Variants in ZMYM2 observed in about 807,000 individuals in gnomAD.
ZMYM2 encodes the protein zinc finger MYM-type containing 2.
A neutral mutation model predicts 162.8 loss-of-function variants in ZMYM2; 56 were observed. The ratio of observed to expected loss-of-function variants is 0.34; its 90% CI spans 0.28 to 0.43. The LOEUF (loss-of-function observed/expected upper bound fraction) is 0.43. Among genes scored for constraint, ZMYM2 ranks in the 20% least tolerant of loss-of-function variants. The probability of loss-of-function intolerance (pLI) is 1.00; values close to 1 mark genes in which losing one functional copy is unlikely to be tolerated. For missense variants in ZMYM2, 1,275 were observed against 1,621.8 expected, an observed-to-expected ratio of 0.79 and a Z score of 3.67; for synonymous variants, 510 against 541.6, an observed-to-expected ratio of 0.94 and a Z score of 0.81.
At position 20,086,116 on chromosome 13, in the gene ZMYM2, AG is replaced by A; in HGVS notation, c.*103del. The A allele has an allele frequency of 7.9e-7, 1 of 1,264,246 alleles. No individual in the cohort carries two copies. Among genetic ancestry groups the A allele is most frequent in the Non-Finnish European group, 1.1e-6 (1 of 926,758 alleles). The allele number at this position is 1,264,246 out of a possible 1,614,324, so 78.3% of individuals were successfully genotyped here. The stretch of plus-strand genomic sequence containing the variant: ...TTTCAAGTTTACTCCTTCTGTTTTG[AG>A]TTTTGTAGCAGTGTACCCACGCTGG... On this transcript the variant is annotated 3_prime_UTR_variant, in exon 25 of 25. Coordinates refer to ENST00000610343, the MANE Select transcript of ZMYM2 (RefSeq NM_197968.4).
intron 21 of ZMYM2, among the ~76,000 whole-genome samples, chr13:20,074,574 T>C (rs536294318): frequency 2.9e-4 from 42 of 147,368 alleles, no homozygotes; most frequent in African/African-American, 9.4e-4. Context: ...AGTCTTACTC[T>C]GTCGCCCAGG....
chr13:20,005,777 A>G (rs756740707), intron 5 of ZMYM2, among the ~76,000 whole-genome samples: 2 of 152,080 alleles, frequency 1.3e-5, no homozygotes, highest in Non-Finnish European at 2.9e-5. Context: ...TGGTCTAAAG[A>G]TTTTTACTCT....
chr13:20,060,635 G>A (rs915643935), intron 16 of ZMYM2, among the ~76,000 whole-genome samples: 45 of 151,456 alleles, frequency 3.0e-4, no homozygotes, highest in African/African-American at 1.0e-3. Flanking sequence ...CTGAGATAGC[G>A]CCATTGCACT....
At chr13:19,950,870 A>C in the ZMYM2 span, among the ~76,000 whole-genome samples, 1 of 152,206 alleles carries the variant, frequency 6.6e-6, no homozygotes, top group East Asian at 1.9e-4. Context: ...TTTCCCTTTA[A>C]AATTTGCTTC....
At chr13:19,887,666 C>A in the ZMYM2 span, among the ~76,000 whole-genome samples, 2 of 151,782 alleles carry the variant, frequency 1.3e-5, no homozygotes, top group African/African-American at 4.9e-5. Flanking sequence ...AAGATAAATA[C>A]ACACATTTTT....
intron 7 of ZMYM2, chr13:20,019,853 G>A (rs911631081): frequency 1.8e-5 from 8 of 442,698 alleles, no homozygotes; most frequent in Admixed American, 3.6e-5. Flanking sequence ...ATGTTCTTAG[G>A]AAATTATTTT....
chr13:20,001,513 A>T (rs1305042768), intron 3 of ZMYM2, among the ~76,000 whole-genome samples: 1 of 152,086 alleles, frequency 6.6e-6, no homozygotes, highest in Non-Finnish European at 1.5e-5. Context: ...TGGTTTCTTG[A>T]GATGAATCTA....
At chr13:19,941,029 G>C in the ZMYM2 span, among the ~76,000 whole-genome samples, 1 of 152,150 alleles carries the variant, frequency 6.6e-6, no homozygotes, top group African/African-American at 2.4e-5. Flanking sequence ...CAAAAACTTG[G>C]CAGGGTGTGG....
intron 2 of ZMYM2, among the ~76,000 whole-genome samples, chr13:19,971,228 A>ATGTGTGTGTGTG (rs10629393): frequency 1.7e-5 from 1 of 58,940 alleles, no homozygotes; most frequent in Non-Finnish European, 3.1e-5. Flanking sequence ...GTTTATATAT[A>ATGTGTGTGTGTG]TGTGTGTGTG....
chr13:19,975,562 C>T (rs1057164952), intron 2 of ZMYM2, among the ~76,000 whole-genome samples: 3 of 152,260 alleles, frequency 2.0e-5, no homozygotes, highest in South Asian at 4.1e-4. Context: ...TTTATTTAGC[C>T]GTTCACTCTG....
intron 21 of ZMYM2, among the ~76,000 whole-genome samples, chr13:20,067,627 C>T (rs527589152): frequency 3.3e-5 from 5 of 152,148 alleles, no homozygotes; most frequent in Non-Finnish European, 7.4e-5. Context: ...GGCTATAGAT[C>T]CATGCTGATC....
At chr13:19,905,010 T>TC in the ZMYM2 span, among the ~76,000 whole-genome samples, 1 of 149,826 alleles carries the variant, frequency 6.7e-6, no homozygotes, top group African/African-American at 2.5e-5. Flanking sequence ...CTTTCAATTT[T>TC]TTTTTTTTTT....
chr13:19,928,736 G>C, the ZMYM2 span, among the ~76,000 whole-genome samples: 1 of 151,832 alleles, frequency 6.6e-6, no homozygotes, highest in Non-Finnish European at 1.5e-5. Context: ...GGCAGAGGTT[G>C]CAGTGAGCTA....
At chr13:19,924,602 T>A in the ZMYM2 span, among the ~76,000 whole-genome samples, 10 of 152,324 alleles carry the variant, frequency 6.6e-5, no homozygotes, top group African/African-American at 2.2e-4. Flanking sequence ...TAGCAGAATG[T>A]CCTCAAGGCT....
the ZMYM2 span, among the ~76,000 whole-genome samples, chr13:19,890,327 C>G: frequency 1.3e-5 from 2 of 151,450 alleles, no homozygotes; most frequent in Non-Finnish European, 2.9e-5. Flanking sequence ...CCACGCCTGG[C>G]TAACTTTTTA....
At chr13:20,004,745 C>T (rs976750930) in intron 4 of ZMYM2, among the ~76,000 whole-genome samples, 1 of 152,102 alleles carries the variant, frequency 6.6e-6, no homozygotes, top group Non-Finnish European at 1.5e-5. Flanking sequence ...CAGGTTATAC[C>T]TCAGTAAATT....
At chr13:20,029,300 A>T (rs562775072) in intron 9 of ZMYM2, among the ~76,000 whole-genome samples, 1 of 152,322 alleles carries the variant, frequency 6.6e-6, no homozygotes, top group Admixed American at 6.5e-5. Flanking sequence ...GACTGATTAG[A>T]TCACGAGGGT....
chr13:19,989,789 C>G (rs1007932315), intron 2 of ZMYM2, among the ~76,000 whole-genome samples: 2 of 152,226 alleles, frequency 1.3e-5, no homozygotes, highest in African/African-American at 4.8e-5. Context: ...CACCTCGCCA[C>G]TACCCTTCTC....
chr13:20,051,003 A>G (rs896711330), intron 12 of ZMYM2, among the ~76,000 whole-genome samples: 2 of 152,092 alleles, frequency 1.3e-5, no homozygotes, highest in Non-Finnish European at 2.9e-5. Flanking sequence ...ATTTCCCATC[A>G]TAAGAGCTTG....
Sources: allele counts gnomAD v4.1 joint callset (sites outside exome capture counted in the v4.1 genomes callset), GRCh38; gene constraint gnomAD v4.1.1; transcripts MANE v1.5; gene names NCBI Gene and HGNC (gene_info 2026-07-23, HGNC 2026-07-21).